The following AFAP1 variants were observed in gnomAD, a reference collection of about 807,000 sequenced individuals.
The protein encoded by AFAP1 is actin filament associated protein 1.
In AFAP1, 75 loss-of-function variants were observed where a neutral mutation model predicts 93.9. The ratio of observed to expected loss-of-function variants is 0.80; its 90% CI spans 0.66 to 0.97. The LOEUF (loss-of-function observed/expected upper bound fraction) is 0.97, where lower values mean the gene tolerates loss of function less well. Among genes scored for constraint, AFAP1 ranks in the 50% least tolerant of loss-of-function variants. The probability of loss-of-function intolerance (pLI) is 0.00; values close to 1 mark genes in which losing one functional copy is unlikely to be tolerated. For missense variants in AFAP1, 1,201 were observed against 1,050.8 expected, an observed-to-expected ratio of 1.14 and a Z score of -1.98; for synonymous variants, 517 against 430.7, an observed-to-expected ratio of 1.20 and a Z score of -2.48.
In AFAP1 at chr4:7,898,810, T is replaced by TGA. The variant is rs201666473; in HGVS notation, c.-2-26731_-2-26730insTC. Among the ~76,000 whole-genome samples the TGA allele has an allele frequency of 2.6e-4, 36 of 139,926 alleles. No homozygotes were observed. In the South Asian group the frequency reaches 2.7e-3, roughly 11 times the overall value. 91.8% of individuals were successfully genotyped at this position (139,926 alleles called of 152,430 possible). ...GTCTTTCTGTGCTGGGCAGTAGAAGTGTGTGTGTGTGTGTGTGTGTGTGTG... is the reference window on the plus strand; with the variant it reads ...GTCTTTCTGTGCTGGGCAGTAGAAGTGAGTGTGTGTGTGTGTGTGTGTGTGTG... On this transcript the variant is annotated intron_variant, in intron 1 of 17. Coordinates refer to ENST00000420658, the MANE Select transcript of AFAP1 (RefSeq NM_001134647.2).
intron 10 of AFAP1, among the ~76,000 whole-genome samples, chr4:7,796,734 G>C (rs939308798): frequency 2.0e-4 from 29 of 142,382 alleles, no homozygotes; most frequent in African/African-American, 7.6e-4. Context: ...CTGGGCAACA[G>C]AGTGAGACTT....
At chr4:7,808,227 A>G (rs773782879) in intron 9 of AFAP1, among the ~76,000 whole-genome samples, 2 of 152,202 alleles carry the variant, frequency 1.3e-5, no homozygotes, top group Non-Finnish European at 2.9e-5. Flanking sequence ...TCCTAGGAAG[A>G]GCTGCACGGT....
At chr4:7,861,833 C>T (rs1043357537) in intron 3 of AFAP1, among the ~76,000 whole-genome samples, 26 of 152,246 alleles carry the variant, frequency 1.7e-4, no homozygotes, top group Non-Finnish European at 3.4e-4. Context: ...TCACATCTTA[C>T]GCCACAGGAA....
At chr4:7,874,108 A>C (rs1408972359) in intron 1 of AFAP1, among the ~76,000 whole-genome samples, 2 of 152,212 alleles carry the variant, frequency 1.3e-5, no homozygotes, top group Non-Finnish European at 2.9e-5. Flanking sequence ...GATCTGCACA[A>C]CTCAGTGAAC....
chr4:7,800,688 G>T, intron 9 of AFAP1, 35 bp from the exon 10 acceptor site: 2 of 1,611,436 alleles, frequency 1.2e-6, no homozygotes, highest in South Asian at 2.2e-5. Flanking sequence ...CAGCCGCCTC[G>T]GACAAGACCA....
intron 10 of AFAP1, among the ~76,000 whole-genome samples, chr4:7,796,528 T>A (rs182297574): frequency 0.012 from 1,797 of 151,690 alleles, 30 homozygotes; most frequent in African/African-American, 0.041. Flanking sequence ...GGCGGGCGGA[T>A]CATGAGGTCA....
chr4:7,777,976 G>C (rs1716323640), intron 14 of AFAP1: 1 of 152,508 alleles, frequency 6.6e-6, no homozygotes, highest in Non-Finnish European at 1.5e-5. Flanking sequence ...TATCGCCCTA[G>C]CTGGATCTAC....
chr4:7,910,938 C>T (rs1000336669), intron 1 of AFAP1, among the ~76,000 whole-genome samples: 4 of 152,210 alleles, frequency 2.6e-5, no homozygotes, highest in Non-Finnish European at 5.9e-5. Flanking sequence ...CACTCCCAGA[C>T]CAGAGCACCG....
intron 8 of AFAP1, among the ~76,000 whole-genome samples, chr4:7,815,038 A>T (rs914337815): frequency 6.6e-6 from 1 of 152,254 alleles, no homozygotes; most frequent in African/African-American, 2.4e-5. Context: ...GGAAAACAAA[A>T]TGTGGTCCAT....
At chr4:7,809,947 C>A (rs920012299) in intron 8 of AFAP1, among the ~76,000 whole-genome samples, 184 bp from the exon 9 acceptor site, 1 of 152,212 alleles carries the variant, frequency 6.6e-6, no homozygotes, top group Non-Finnish European at 1.5e-5. Context: ...CAGCCTTGAA[C>A]TCCTGGGCAC....
intron 1 of AFAP1, among the ~76,000 whole-genome samples, chr4:7,907,806 G>GT (rs796499416): frequency 5.9e-4 from 89 of 152,052 alleles, no homozygotes; most frequent in African/African-American, 1.8e-3. Flanking sequence ...AATCTGCATT[G>GT]TTTTTTTTCC....
intron 5 of AFAP1, 171 bp downstream of exon 5, chr4:7,842,968 G>A (rs1482169345): frequency 4.6e-6 from 3 of 647,178 alleles, no homozygotes; most frequent in Non-Finnish European, 7.9e-6. Flanking sequence ...AGTGCTCCCT[G>A]ATGGCATGTG....
chr4:7,770,978 T>C (rs1318847488), intron 16 of AFAP1, among the ~76,000 whole-genome samples: 2 of 152,220 alleles, frequency 1.3e-5, no homozygotes, highest in Non-Finnish European at 2.9e-5. Flanking sequence ...ACCATGCTCT[T>C]GTCCCCATTT....
At chr4:7,764,571 T>C (rs1054440416) in intron 17 of AFAP1, among the ~76,000 whole-genome samples, 1 of 152,244 alleles carries the variant, frequency 6.6e-6, no homozygotes, top group Non-Finnish European at 1.5e-5. Context: ...GTGTTTATTT[T>C]ACTCTAATAG....
At chr4:7,867,136 G>GGGAGGGGAGGGGAGCGGAGT (rs1716514741) in intron 3 of AFAP1, among the ~76,000 whole-genome samples, 1 of 130,618 alleles carries the variant, frequency 7.7e-6, no homozygotes, top group Non-Finnish European at 1.7e-5. Context: ...GGGAGCGGAG[G>GGGAGGGGAGGGGAGCGGAGT]GGAGGGGAGG....
At chr4:7,773,042 G>A (rs1292442007) in intron 15 of AFAP1, 32 bp from the exon 16 acceptor site, 12 of 1,591,342 alleles carry the variant, frequency 7.5e-6, no homozygotes, top group South Asian at 1.1e-5. Flanking sequence ...TTACTCCCGC[G>A]GCAGGCACAG....
intron 16 of AFAP1, among the ~76,000 whole-genome samples, chr4:7,769,652 A>G (rs574880385): frequency 2.1e-4 from 32 of 151,974 alleles, no homozygotes; most frequent in Admixed American, 2.0e-3. Flanking sequence ...TCTGGGGGGA[A>G]AAAAACGCCA....
intron 17 of AFAP1, among the ~76,000 whole-genome samples, chr4:7,765,318 C>A (rs1202483732): frequency 6.6e-6 from 1 of 152,184 alleles, no homozygotes; most frequent in East Asian, 1.9e-4. Flanking sequence ...CCTGGCCAGC[C>A]TCATGCATCC....
intron 1 of AFAP1, among the ~76,000 whole-genome samples, chr4:7,938,727 T>C (rs1721533917): frequency 6.6e-6 from 1 of 151,820 alleles, no homozygotes; most frequent in Admixed American, 6.5e-5. Flanking sequence ...TCAATCTGGC[T>C]TTCCAGATTT....
Sources: gnomAD v4.1 joint callset for allele counts (sites outside exome capture counted in the v4.1 genomes callset) on GRCh38, gnomAD v4.1.1 for gene constraint, MANE v1.5 for transcripts, NCBI Gene and HGNC (gene_info 2026-07-23, HGNC 2026-07-21) for gene names.